Variants in HPCAL1 observed in about 807,000 individuals in gnomAD.
HPCAL1 encodes the protein hippocalcin-like protein 1.
In HPCAL1, 8 loss-of-function variants were observed where a neutral mutation model predicts 17.1. The ratio of observed to expected loss-of-function variants is 0.47; its 90% CI spans 0.27 to 0.84. The LOEUF is 0.84. Ranked by LOEUF, HPCAL1 falls within the 40% of genes least tolerant of loss-of-function variation. HPCAL1 has a pLI of 0.13. For synonymous variants in HPCAL1, 112 were observed against 111.4 expected, an observed-to-expected ratio of 1.01 and a Z score of -0.03; for missense variants, 165 against 271.1, an observed-to-expected ratio of 0.61 and a Z score of 2.75.
intron 1 of HPCAL1, among the ~76,000 whole-genome samples, chr2:10,325,804 G>A (rs1053493949): frequency 5.3e-5 from 8 of 152,200 alleles, no homozygotes; most frequent in Admixed American, 3.9e-4. Context: ...TTTGCACCTC[G>A]GTCCTGCTGG....
intron 2 of HPCAL1, among the ~76,000 whole-genome samples, chr2:10,412,272 C>T (rs1041307519): frequency 2.6e-5 from 4 of 152,340 alleles, no homozygotes; most frequent in South Asian, 2.1e-4. Flanking sequence ...GTGCAGGGAA[C>T]GACTTTCCTC....
At chr2:10,338,796 C>T (rs149654923) in intron 1 of HPCAL1, among the ~76,000 whole-genome samples, 313 of 152,280 alleles carry the variant, frequency 2.1e-3, no homozygotes, top group Non-Finnish European at 3.5e-3. Context: ...GCGTCGCCTC[C>T]ACTTGATAGA....
intron 2 of HPCAL1, among the ~76,000 whole-genome samples, chr2:10,402,870 C>G (rs533780342): frequency 6.6e-6 from 1 of 152,288 alleles, no homozygotes; most frequent in South Asian, 2.1e-4. Context: ...CAGAGCCATG[C>G]AGCCTGCGCA....
chr2:10,324,923 A>G (rs1663908050), intron 1 of HPCAL1, among the ~76,000 whole-genome samples: 3 of 143,608 alleles, frequency 2.1e-5, no homozygotes, highest in Admixed American at 1.5e-4. Flanking sequence ...CCCAGGTTCA[A>G]GTGATTCTCC....
intron 1 of HPCAL1, among the ~76,000 whole-genome samples, chr2:10,311,292 A>T (rs940720612): frequency 1.3e-5 from 2 of 152,164 alleles, no homozygotes; most frequent in Non-Finnish European, 2.9e-5. Flanking sequence ...GTGGGACATG[A>T]GATGTGGCTG....
intron 1 of HPCAL1, among the ~76,000 whole-genome samples, chr2:10,357,504 G>T (rs112021668): frequency 5.3e-5 from 8 of 152,308 alleles, no homozygotes; most frequent in Non-Finnish European, 8.8e-5. Flanking sequence ...CTCGGCCATG[G>T]CAGAATTCTG....
chr2:10,358,482 C>T (rs1386480015), intron 1 of HPCAL1, among the ~76,000 whole-genome samples: 2 of 152,158 alleles, frequency 1.3e-5, no homozygotes, highest in Non-Finnish European at 2.9e-5. Flanking sequence ...CTGCATTTCC[C>T]AAGACCACCC....
At chr2:10,340,511 A>C (rs6758955) in intron 1 of HPCAL1, among the ~76,000 whole-genome samples, 30,451 of 152,146 alleles carry the variant, frequency 0.2, 3,710 homozygotes, top group African/African-American at 0.34. Context: ...TTGAGAGGTC[A>C]TCTGTAGGAG....
intron 1 of HPCAL1, among the ~76,000 whole-genome samples, chr2:10,345,962 T>C (rs1451670873): frequency 6.6e-6 from 1 of 152,132 alleles, no homozygotes; most frequent in Non-Finnish European, 1.5e-5. Context: ...GGTCTGTTGA[T>C]CCAAACCAGG....
intron 1 of HPCAL1, among the ~76,000 whole-genome samples, chr2:10,348,218 G>A (rs113979882): frequency 0.015 from 2,278 of 152,300 alleles, 48 homozygotes; most frequent in African/African-American, 0.046. Flanking sequence ...GGGAGGCCAA[G>A]GTGGGCAGTT....
intron 1 of HPCAL1, among the ~76,000 whole-genome samples, chr2:10,332,420 C>T (rs1480968315): frequency 6.6e-6 from 1 of 151,778 alleles, no homozygotes; most frequent in Non-Finnish European, 1.5e-5. Context: ...CGCCCCTCTG[C>T]GGTTCTCAGG....
chr2:10,303,348 C>T (rs1185118642), intron 1 of HPCAL1, among the ~76,000 whole-genome samples, 171 bp downstream of exon 1: 2 of 152,176 alleles, frequency 1.3e-5, no homozygotes, highest in Non-Finnish European at 2.9e-5. Flanking sequence ...TTGTGGGTGA[C>T]TGCGGACGGT....
chr2:10,418,143 G>A (rs373674574), intron 2 of HPCAL1, among the ~76,000 whole-genome samples: 20 of 152,258 alleles, frequency 1.3e-4, no homozygotes, highest in South Asian at 1.2e-3. Context: ...TGGGCTGGGC[G>A]TGGTGGCTTA....
intron 2 of HPCAL1, among the ~76,000 whole-genome samples, chr2:10,402,772 G>C (rs1377933209): frequency 6.6e-6 from 1 of 152,104 alleles, no homozygotes; most frequent in Non-Finnish European, 1.5e-5. Context: ...GGGTGTGCTG[G>C]TGTGGACACC....
intron 1 of HPCAL1, among the ~76,000 whole-genome samples, chr2:10,333,121 A>G (rs1664493025): frequency 6.6e-6 from 1 of 152,248 alleles, no homozygotes; most frequent in Admixed American, 6.5e-5. Flanking sequence ...CGATCTCTGC[A>G]CTGGGTCTTT....
rs951329379 is a variant in HPCAL1 at position 10,330,778 on chromosome 2, T to G, written c.-111+27601T>G. 2.0e-5 allele frequency among the ~76,000 whole-genome samples: 3 copies of G among 152,208 alleles called. No individual in the cohort carries two copies. Among genetic ancestry groups the G allele is most frequent in the African/African-American group, 7.2e-5 (3 of 41,458 alleles). ...CATAGGGGTTTTGTGGGGGACACAC[T>G]CAGTCCACGTTAACTCACTTCCTGC... On this transcript the variant is annotated intron_variant, in intron 1 of 4. Transcript: ENST00000307845. This position sits in a 1 kb window ranked among gnomAD's most constrained non-coding sequence, Gnocchi z 4.2.
intron 2 of HPCAL1, among the ~76,000 whole-genome samples, chr2:10,410,962 G>T (rs572353495): frequency 6.6e-6 from 1 of 151,536 alleles, no homozygotes; most frequent in Non-Finnish European, 1.5e-5. Flanking sequence ...GGCAGCCTGC[G>T]TCGGGCCCGA....
rs1034961429 is a variant in HPCAL1 at position 10,367,435 on chromosome 2, C to T, written c.-110-29400C>T. ...CTGAATAGCTGGGACTACAGGTGTG[C>T]GCCACCACGCATGGCTAATTTTTTG... On this transcript the variant is annotated intron_variant, in intron 1 of 4. Transcript: ENST00000307845. The surrounding 1 kb of genome is among the most constrained non-coding windows in gnomAD (Gnocchi z 4.4). 6.6e-5 allele frequency among the ~76,000 whole-genome samples: 10 copies of T among 151,864 alleles called. No individual in the cohort carries two copies. The highest frequency in any genetic ancestry group is 2.0e-4 in the Admixed American group (3 of 15,240).
chr2:10,356,086 C>A (rs1666136000), intron 1 of HPCAL1, among the ~76,000 whole-genome samples: 1 of 152,148 alleles, frequency 6.6e-6, no homozygotes, highest in Non-Finnish European at 1.5e-5. Flanking sequence ...GGCGAGGGAA[C>A]CGCCAGTTCA....
Sources: allele counts gnomAD v4.1 joint callset (sites outside exome capture counted in the v4.1 genomes callset), GRCh38; gene constraint gnomAD v4.1.1; non-coding constraint Gnocchi (gnomAD v3.1); transcripts MANE v1.5; gene names NCBI Gene and HGNC (gene_info 2026-07-23, HGNC 2026-07-21).